The following BLTP3A variants were observed in gnomAD, a reference collection of about 807,000 sequenced individuals.
BLTP3A encodes the protein ICBP90 binding protein 1.
chr6:34,808,938 A>C, the BLTP3A span, among the ~76,000 whole-genome samples: 1 of 152,212 alleles, frequency 6.6e-6, no homozygotes, highest in Non-Finnish European at 1.5e-5. Flanking sequence ...TATTTGAATA[A>C]AGGCTCATAT....
chr6:34,870,966 A>C, the BLTP3A span: 2 of 1,614,188 alleles, frequency 1.2e-6, no homozygotes, highest in Non-Finnish European at 1.7e-6. Flanking sequence ...TGGCCTCACA[A>C]AATGGCTTCC....
At chr6:34,815,009 T>C in the BLTP3A span, among the ~76,000 whole-genome samples, 1 of 152,224 alleles carries the variant, frequency 6.6e-6, no homozygotes, top group African/African-American at 2.4e-5. Flanking sequence ...CTTCTTGCCC[T>C]GTCATCTAGG....
chr6:34,827,523 CT>C, the BLTP3A span, among the ~76,000 whole-genome samples: 3 of 152,164 alleles, frequency 2.0e-5, no homozygotes, highest in African/African-American at 7.2e-5. Context: ...ACCATTATAA[CT>C]ATCAATAACA....
At chr6:34,836,344 G>A in the BLTP3A span, 8 of 1,613,646 alleles carry the variant, frequency 5.0e-6, no homozygotes, top group African/African-American at 1.1e-4. Context: ...AGTCCCGAGA[G>A]CCAGGTACCC....
At chr6:34,807,538 G>C in the BLTP3A span, among the ~76,000 whole-genome samples, 1 of 152,316 alleles carries the variant, frequency 6.6e-6, no homozygotes, top group South Asian at 2.1e-4. Context: ...GTTCAGCAAG[G>C]CTACTGTTGC....
At chr6:34,814,819 T>C in the BLTP3A span, among the ~76,000 whole-genome samples, 689 of 152,344 alleles carry the variant, frequency 4.5e-3, 6 homozygotes, top group Middle Eastern at 0.024. Context: ...TTTAGATGTA[T>C]TCCCCTTAAC....
At chr6:34,815,618 G>A in the BLTP3A span, among the ~76,000 whole-genome samples, 8 of 151,718 alleles carry the variant, frequency 5.3e-5, no homozygotes, top group Non-Finnish European at 1.0e-4. Flanking sequence ...CAGCCTATGG[G>A]GCAAAAATAC....
chr6:34,838,411 A>C, the BLTP3A span, among the ~76,000 whole-genome samples: 801 of 152,356 alleles, frequency 5.3e-3, 16 homozygotes, highest in African/African-American at 0.018. Flanking sequence ...CAAGTAGCTC[A>C]GGAAATCAAA....
At chr6:34,837,099 C>A in the BLTP3A span, among the ~76,000 whole-genome samples, 1 of 152,356 alleles carries the variant, frequency 6.6e-6, no homozygotes, top group East Asian at 1.9e-4. Context: ...TATTACCCTG[C>A]TGCTTGTTTC....
At chr6:34,814,898 T>G in the BLTP3A span, among the ~76,000 whole-genome samples, 1 of 152,308 alleles carries the variant, frequency 6.6e-6, no homozygotes, top group South Asian at 2.1e-4. Context: ...CTGAGATACC[T>G]TATAAATTTA....
the BLTP3A span, among the ~76,000 whole-genome samples, chr6:34,798,594 C>CTTTTTTTTTTTTTTTTTTTTTTTTTT: frequency 1.6e-4 from 15 of 94,496 alleles, no homozygotes; most frequent in African/African-American, 2.4e-4. Context: ...TTCTTTCTTT[C>CTTTTTTTTTTTTTTTTTTTTTTTTTT]TTTTTTTTTT....
the BLTP3A span, among the ~76,000 whole-genome samples, chr6:34,856,606 T>C: frequency 6.6e-6 from 1 of 152,214 alleles, no homozygotes; most frequent in African/African-American, 2.4e-5. Context: ...ATCATTTCTA[T>C]TCAGTAGACT....
At chr6:34,832,088 C>T in the BLTP3A span, among the ~76,000 whole-genome samples, 82 of 151,538 alleles carry the variant, frequency 5.4e-4, no homozygotes, top group African/African-American at 1.7e-3. Flanking sequence ...TCTGGGATTA[C>T]AGGCATGAGC....
At chr6:34,871,121 G>C in the BLTP3A span, 1 of 1,606,630 alleles carries the variant, frequency 6.2e-7, no homozygotes, top group Non-Finnish European at 8.5e-7. Flanking sequence ...CTAAAGGTGT[G>C]AGGAACCTTT....
chr6:34,856,605 A>G, the BLTP3A span, among the ~76,000 whole-genome samples: 1 of 152,322 alleles, frequency 6.6e-6, no homozygotes, highest in African/African-American at 2.4e-5. Flanking sequence ...CATCATTTCT[A>G]TTCAGTAGAC....
At chr6:34,838,055 G>A in the BLTP3A span, among the ~76,000 whole-genome samples, 5 of 152,146 alleles carry the variant, frequency 3.3e-5, no homozygotes, top group African/African-American at 9.7e-5. Flanking sequence ...TAGCTTCACC[G>A]TTCATTTATT....
At chr6:34,858,911 T>C in the BLTP3A span, 4 of 1,614,052 alleles carry the variant, frequency 2.5e-6, no homozygotes, top group Non-Finnish European at 8.5e-7. Context: ...CAGGAGCAGC[T>C]GACTAAGGAT....
the BLTP3A span, among the ~76,000 whole-genome samples, chr6:34,816,425 CA>C: frequency 1.3e-5 from 2 of 151,880 alleles, no homozygotes; most frequent in Non-Finnish European, 2.9e-5. Flanking sequence ...GCCTGGGTAA[CA>C]AAGGGAGACC....
At chr6:34,827,348 A>C in the BLTP3A span, among the ~76,000 whole-genome samples, 1 of 152,144 alleles carries the variant, frequency 6.6e-6, no homozygotes, top group Non-Finnish European at 1.5e-5. Flanking sequence ...AAAGAGAAAA[A>C]TAAATCATGA....
Sources: allele counts gnomAD v4.1 joint callset (sites outside exome capture counted in the v4.1 genomes callset), GRCh38; gene constraint gnomAD v4.1.1; transcripts MANE v1.5; gene names NCBI Gene and HGNC (gene_info 2026-07-23, HGNC 2026-07-21).